WDR7: variants seen among roughly 807,000 people sequenced by gnomAD.
WDR7 encodes the protein WD repeat-containing protein 7.
WDR7 carries 46 observed loss-of-function variants against 169.4 expected under a neutral mutation model. The ratio of observed to expected loss-of-function variants is 0.27; its 90% CI spans 0.21 to 0.35. The LOEUF is 0.35. Ranked by LOEUF, WDR7 falls within the 10% of genes least tolerant of loss-of-function variation. WDR7 has a pLI of 1.00. For missense variants in WDR7, 1,534 were observed against 1,859.3 expected, an observed-to-expected ratio of 0.83 and a Z score of 3.22; for synonymous variants, 612 against 666.8, an observed-to-expected ratio of 0.92 and a Z score of 1.27.
At chr18:56,871,719 C>A (rs2045955818) in intron 20 of WDR7, among the ~76,000 whole-genome samples, 1 of 151,876 alleles carries the variant, frequency 6.6e-6, no homozygotes, top group African/African-American at 2.4e-5. Context: ...CGTTTGGACT[C>A]CATCTTGTGC....
chr18:56,887,665 C>T (rs1012480654), intron 21 of WDR7, among the ~76,000 whole-genome samples: 9 of 150,910 alleles, frequency 6.0e-5, no homozygotes, highest in African/African-American at 2.2e-4. Flanking sequence ...TCCCATTAAC[C>T]TATTTTTTTT....
rs773218207 is a variant in WDR7, at chr18:56,776,795, C to G, written c.2862C>G (p.Val954=). The change falls in exon 17 of 28, where the codon GTC becomes GTG. Residue 954 remains valine, a synonymous_variant. Coordinates refer to ENST00000254442, the MANE Select transcript of WDR7 (RefSeq NM_015285.3). Reference sequence around the variant, plus strand: ...TTCCTCTGCAAGTTGCTGCACCTGTCGTTTCCGCTCGGTCTGATGCTGATC... The same window carrying G: ...TTCCTCTGCAAGTTGCTGCACCTGTGGTTTCCGCTCGGTCTGATGCTGATC... ...QGQIKQVAAP[V]VSARSDADHS... is the part of the protein sequence containing the mutation. The G allele has an allele frequency of 6.2e-7, 1 of 1,613,792 alleles. No homozygotes were observed. Among genetic ancestry groups the G allele is most frequent in the African/African-American group, 1.3e-5 (1 of 74,890 alleles).
chr18:56,681,259 T>C lies in WDR7; in HGVS notation c.267-54T>C, dbSNP rs1179262635. ...TAATTTTAAATCACTGTGACAAAGT[T>C]GAATGGTGCTTTAAAAAGTCACACT... On this transcript the variant is annotated intron_variant, in intron 3 of 27. Coordinates refer to ENST00000254442, the MANE Select transcript of WDR7 (RefSeq NM_015285.3). 9.2e-6 allele frequency: 11 copies of C among 1,193,290 alleles called. No individual in the cohort carries two copies. The East Asian group carries it at 2.8e-4, about 31-fold the overall frequency. The allele number at this position is 1,193,290 out of a possible 1,614,324, so 73.9% of individuals were successfully genotyped here. A position where few individuals can be genotyped will look rare whatever the true frequency, so the allele number is the denominator to read the frequency against.
At chr18:56,899,572 A>G (rs945564041) in intron 21 of WDR7, among the ~76,000 whole-genome samples, 1 of 151,992 alleles carries the variant, frequency 6.6e-6, no homozygotes, top group Non-Finnish European at 1.5e-5. Context: ...ACCTTTTCAG[A>G]GTGTTTTTCT....
chr18:56,901,892 A>C (rs2046407423), intron 21 of WDR7, among the ~76,000 whole-genome samples: 1 of 152,054 alleles, frequency 6.6e-6, no homozygotes. Flanking sequence ...TCTGGGAGTA[A>C]AGAAAGAATA....
At chr18:56,921,170 T>C (rs2145634516) in intron 21 of WDR7, among the ~76,000 whole-genome samples, 1 of 152,342 alleles carries the variant, frequency 6.6e-6, no homozygotes, top group Non-Finnish European at 1.5e-5. Context: ...AAGGTTTAAC[T>C]TGAATATCCT....
intron 1 of WDR7, among the ~76,000 whole-genome samples, chr18:56,666,938 T>C (rs1000282861): frequency 3.3e-5 from 5 of 151,240 alleles, no homozygotes; most frequent in South Asian, 4.2e-4. Context: ...CTTTTTTAAA[T>C]GCTTAAATAT....
At chr18:56,706,200 A>G (rs2025949576) in intron 12 of WDR7, among the ~76,000 whole-genome samples, 1 of 152,250 alleles carries the variant, frequency 6.6e-6, no homozygotes, top group Non-Finnish European at 1.5e-5. Context: ...AGCTGGTAAA[A>G]TGAAATGAAA....
chr18:56,652,401 A>AT (rs1266971989), intron 1 of WDR7, among the ~76,000 whole-genome samples: 1 of 152,190 alleles, frequency 6.6e-6, no homozygotes, highest in African/African-American at 2.4e-5. Flanking sequence ...ATGTCTTAGG[A>AT]TTTTATGGGC....
intron 16 of WDR7, among the ~76,000 whole-genome samples, chr18:56,770,184 A>G (rs1168962141): frequency 2.6e-5 from 4 of 152,184 alleles, no homozygotes; most frequent in South Asian, 2.1e-4. Context: ...TATTATGTCT[A>G]TTGGAGAAAA....
At chr18:56,737,897 T>C (rs907994243) in intron 14 of WDR7, among the ~76,000 whole-genome samples, 2 of 152,202 alleles carry the variant, frequency 1.3e-5, no homozygotes, top group Non-Finnish European at 2.9e-5. Flanking sequence ...ATTAAATTTG[T>C]TTAACATTCT....
intron 25 of WDR7, among the ~76,000 whole-genome samples, chr18:56,945,462 G>A (rs1308939334): frequency 1.3e-5 from 2 of 152,204 alleles, no homozygotes; most frequent in African/African-American, 4.8e-5. Context: ...TAAAATATGT[G>A]TGTAGTTTAT....
chr18:56,661,178 A>T (rs559752435), intron 1 of WDR7, among the ~76,000 whole-genome samples: 1 of 152,276 alleles, frequency 6.6e-6, no homozygotes, highest in African/African-American at 2.4e-5. Flanking sequence ...AACCTAAGGG[A>T]AGAAATTGGA....
At chr18:56,875,747 C>T (rs963838903) in intron 20 of WDR7, among the ~76,000 whole-genome samples, 32 of 152,268 alleles carry the variant, frequency 2.1e-4, no homozygotes, top group African/African-American at 7.5e-4. Context: ...CCCTTAAGTT[C>T]AATGAGGGCA....
At chr18:56,870,363 C>T (rs1254886373) in intron 20 of WDR7, among the ~76,000 whole-genome samples, 1 of 152,014 alleles carries the variant, frequency 6.6e-6, no homozygotes, top group Non-Finnish European at 1.5e-5. Flanking sequence ...TATATGGAAA[C>T]AACTTATTTA....
intron 19 of WDR7, among the ~76,000 whole-genome samples, chr18:56,794,871 C>T (rs1194619571): frequency 6.6e-6 from 1 of 152,078 alleles, no homozygotes; most frequent in Non-Finnish European, 1.5e-5. Flanking sequence ...TTTCTCCTCC[C>T]GTTCTTTATG....
At chr18:56,989,008 G>T (rs2047771094) in intron 26 of WDR7, among the ~76,000 whole-genome samples, 1 of 150,388 alleles carries the variant, frequency 6.6e-6, no homozygotes. Flanking sequence ...AGTAATTTTG[G>T]TTTGACTCTT....
intron 26 of WDR7, among the ~76,000 whole-genome samples, chr18:56,981,571 A>G (rs1335025228): frequency 3.9e-5 from 6 of 152,162 alleles, no homozygotes; most frequent in African/African-American, 1.2e-4. Flanking sequence ...TCTGGCAACA[A>G]TGGGAGAGTG....
intron 20 of WDR7, among the ~76,000 whole-genome samples, chr18:56,868,598 A>G (rs1237266399): frequency 6.6e-6 from 1 of 152,132 alleles, no homozygotes; most frequent in Non-Finnish European, 1.5e-5. Flanking sequence ...CGCTATTTTT[A>G]TAAGTAAATC....
Sources: gnomAD v4.1 joint callset for allele counts (sites outside exome capture counted in the v4.1 genomes callset) on GRCh38, gnomAD v4.1.1 for gene constraint, MANE v1.5 for transcripts, NCBI Gene and HGNC (gene_info 2026-07-23, HGNC 2026-07-21) for gene names.